IMPACT: variants seen among roughly 807,000 people sequenced by gnomAD.
IMPACT encodes the protein impact RWD domain protein.
IMPACT carries 35 observed loss-of-function variants against 47.5 expected under a neutral mutation model. The ratio of observed to expected loss-of-function variants is 0.74; its 90% CI spans 0.56 to 0.98. The LOEUF is 0.98. Among genes scored for constraint, IMPACT ranks in the 50% least tolerant of loss-of-function variants. The pLI is 0.00. For synonymous variants in IMPACT, 118 were observed against 125.6 expected, an observed-to-expected ratio of 0.94 and a Z score of 0.40; for missense variants, 373 against 394.8, an observed-to-expected ratio of 0.94 and a Z score of 0.47.
Position 24,450,920 on chromosome 18 carries a change from G to T in IMPACT, c.*73G>T. 1 of 907,790 alleles carries T rather than the reference G, an allele frequency of 1.1e-6. No individual in the cohort carries two copies. Among genetic ancestry groups the T allele is most frequent in the Non-Finnish European group, 1.7e-6 (1 of 574,664 alleles). The allele number at this position is 907,790 out of a possible 1,614,324, so 56.2% of individuals were successfully genotyped here. On this transcript the variant is annotated 3_prime_UTR_variant, in exon 11 of 11. Transcript: ENST00000284202. ...TTCCATAGTCATCAAGGAATATATTGTGCAGAGAGAGTATCCTTGACTGCT... is the reference window on the plus strand; with the variant it reads ...TTCCATAGTCATCAAGGAATATATTTTGCAGAGAGAGTATCCTTGACTGCT...
chr18:24,444,359 A>G (rs1246846283), intron 7 of IMPACT, among the ~76,000 whole-genome samples: 2 of 152,200 alleles, frequency 1.3e-5, no homozygotes, highest in Non-Finnish European at 2.9e-5. Context: ...ATAAAATGAT[A>G]AACAGAAGAT....
chr18:24,432,887 T>C (rs1424519073), intron 4 of IMPACT, among the ~76,000 whole-genome samples: 1 of 152,164 alleles, frequency 6.6e-6, no homozygotes, highest in Non-Finnish European at 1.5e-5. Context: ...GTTAGCGTTT[T>C]TTCTTACCCA....
intron 7 of IMPACT, 59 bp from the exon 8 acceptor site, chr18:24,445,334 C>A: frequency 9.9e-7 from 1 of 1,008,386 alleles, no homozygotes; most frequent in Admixed American, 2.1e-5. Context: ...ATTTTTCTAG[C>A]ATTTATTTAC....
At chr18:24,433,125 C>T (rs1219886480) in intron 4 of IMPACT, among the ~76,000 whole-genome samples, 1 of 151,218 alleles carries the variant, frequency 6.6e-6, no homozygotes, top group African/African-American at 2.4e-5. Context: ...TAACCTTGGT[C>T]CAGTGGTATT....
chr18:24,427,002 C>T (rs1908626859), intron 1 of IMPACT: 5 of 394,366 alleles, frequency 1.3e-5, no homozygotes, highest in Non-Finnish European at 2.2e-5. Context: ...GCCGCGGTCT[C>T]GGCCTGTCTC....
chr18:24,448,222 GC>G, intron 9 of IMPACT, 39 bp downstream of exon 9: 1 of 1,403,902 alleles, frequency 7.1e-7, no homozygotes, highest in South Asian at 1.2e-5. Context: ...TTCTGTACAA[GC>G]CATAAAATTT....
At chr18:24,443,295 T>C in intron 7 of IMPACT, 143 bp downstream of exon 7, 1 of 472,050 alleles carries the variant, frequency 2.1e-6, no homozygotes, top group Non-Finnish European at 3.8e-6. Context: ...ACTCCCAAAT[T>C]ACTGTGAATC....
intron 4 of IMPACT, among the ~76,000 whole-genome samples, chr18:24,433,108 G>C (rs543762328): frequency 2.7e-5 from 4 of 150,780 alleles, no homozygotes; most frequent in African/African-American, 9.8e-5. Context: ...TATTTAATGC[G>C]CTCGAATAAC....
Position 24,427,908 on chromosome 18 carries a change from A to G in IMPACT, c.37-11A>G, listed in dbSNP as rs200786254. The stretch of plus-strand genomic sequence containing the variant: ...ACATTTGTTGACTTTTAAAAAATCA[A>G]TTTCTTTCAGAATGAGGAAATTGAA... On this transcript the variant is annotated splice_polypyrimidine_tract_variant and intron_variant, in intron 1 of 10. Transcript: ENST00000284202. 7.7e-5 allele frequency: 123 copies of G among 1,594,668 alleles called. 1 individual carries two copies. The highest frequency in any genetic ancestry group is 2.7e-4 in the East Asian group (12 of 44,430).
chr18:24,432,341 T>C (rs1908779197), intron 4 of IMPACT, among the ~76,000 whole-genome samples: 1 of 152,202 alleles, frequency 6.6e-6, no homozygotes, highest in African/African-American at 2.4e-5. Context: ...ATATCAGTTT[T>C]ACTGTAATCC....
rs1908613678 is a variant in IMPACT, at chr18:24,426,672, C to G, written c.-85C>G. The G allele has an allele frequency of 2.8e-6, 3 of 1,058,282 alleles. No homozygotes were observed. The highest frequency in any genetic ancestry group is 4.6e-5 in the South Asian group (1 of 21,728). The allele number at this position is 1,058,282 out of a possible 1,614,324, so 65.6% of individuals were successfully genotyped here. ...GGTTCCGGGTCGGGCCGCGCCGCAG[C>G]CAGCTCTCGGCTCGCAGCCGCAGCG... On this transcript the variant is annotated 5_prime_UTR_variant, in exon 1 of 11. Coordinates refer to ENST00000284202, the MANE Select transcript of IMPACT (RefSeq NM_018439.4).
chr18:24,433,654 TGTGTGACAGCA>T (rs1475519683), intron 4 of IMPACT, among the ~76,000 whole-genome samples: 1 of 148,420 alleles, frequency 6.7e-6, no homozygotes, highest in African/African-American at 2.5e-5. Context: ...TTAAAACTTT[TGTGTGACAGCA>T]TTTTTTTTTT....
rs558369794 is a variant in IMPACT, at chr18:24,445,852, C to T, written c.668+386C>T. Among the ~76,000 whole-genome samples, 6 of 152,098 alleles carry T rather than the reference C, an allele frequency of 3.9e-5. No individual in the cohort carries two copies. The South Asian group carries it at 1.2e-3, about 32-fold the overall frequency. On this transcript the variant is annotated intron_variant, in intron 8 of 10. Coordinates refer to ENST00000284202, the MANE Select transcript of IMPACT (RefSeq NM_018439.4). Reference sequence around the variant, plus strand: ...GATGCCATACTACAATTAACCATTTCCTTTTAGTTTTTCATGTTTTTCACC... The same window carrying T: ...GATGCCATACTACAATTAACCATTTTCTTTTAGTTTTTCATGTTTTTCACC...
At chr18:24,447,132 G>C (rs1162661525) in intron 8 of IMPACT, among the ~76,000 whole-genome samples, 2 of 152,192 alleles carry the variant, frequency 1.3e-5, no homozygotes, top group Non-Finnish European at 2.9e-5. Flanking sequence ...TAGATGGTCA[G>C]TAAATATTTA....
At chr18:24,440,674 T>C (rs1909085275) in intron 6 of IMPACT, 56 bp downstream of exon 6, 1 of 1,416,308 alleles carries the variant, frequency 7.1e-7, no homozygotes, top group African/African-American at 1.5e-5. Flanking sequence ...GTATTATGTA[T>C]TGTTCTTTGA....
In IMPACT at chr18:24,451,506, G is replaced by C. The variant is rs1287666727; in HGVS notation, c.*659G>C. On this transcript the variant is annotated 3_prime_UTR_variant, in exon 11 of 11. Coordinates refer to ENST00000284202, the MANE Select transcript of IMPACT (RefSeq NM_018439.4). The stretch of plus-strand genomic sequence containing the variant: ...GCAAATTGGTGATTGTGAAATTACA[G>C]AAAGTGATTTTCTAGTCTGCTTTTT... 6.6e-6 allele frequency: 1 copy of C among 152,222 alleles called. No homozygotes were observed. Among genetic ancestry groups the C allele is most frequent in the Non-Finnish European group, 1.5e-5 (1 of 68,042 alleles). 9.4% of individuals were successfully genotyped at this position (152,222 alleles called of 1,614,324 possible). A position where few individuals can be genotyped will look rare whatever the true frequency, so the allele number is the denominator to read the frequency against.
chr18:24,434,904 ATG>A (rs1159153589), intron 4 of IMPACT, among the ~76,000 whole-genome samples: 9 of 22,402 alleles, frequency 4.0e-4, no homozygotes, highest in Admixed American at 1.4e-3. Context: ...GTGTATATAT[ATG>A]TGTGTGTATA....
chr18:24,436,289 G>A (rs538587317), intron 4 of IMPACT, among the ~76,000 whole-genome samples: 2 of 152,066 alleles, frequency 1.3e-5, no homozygotes, highest in South Asian at 4.1e-4. Flanking sequence ...GTGTCGCCCA[G>A]GCTGGAGTGC....
In IMPACT at chr18:24,434,776, A is replaced by T. The variant is rs199980543; in HGVS notation, c.282-3179A>T. Among the ~76,000 whole-genome samples the T allele has an allele frequency of 2.7e-3, 305 of 113,998 alleles. 8 individuals carry two copies. Among genetic ancestry groups the T allele is most frequent in the African/African-American group, 9.8e-3 (238 of 24,306 alleles). 74.8% of individuals were successfully genotyped at this position (113,998 alleles called of 152,430 possible). ...AAAACTCTGTCTCAAAAAAAAAAAAAATATATATATATATATATATGTGTG... is the reference window on the plus strand; with the variant it reads ...AAAACTCTGTCTCAAAAAAAAAAAATATATATATATATATATATATGTGTG... On this transcript the variant is annotated intron_variant, in intron 4 of 10. Coordinates refer to ENST00000284202, the MANE Select transcript of IMPACT (RefSeq NM_018439.4).
Sources: allele counts gnomAD v4.1 joint callset (sites outside exome capture counted in the v4.1 genomes callset), GRCh38; gene constraint gnomAD v4.1.1; transcripts MANE v1.5; gene names NCBI Gene and HGNC (gene_info 2026-07-23, HGNC 2026-07-21).